The following LRP1B variants were observed in gnomAD, a reference collection of about 807,000 sequenced individuals.
The protein encoded by LRP1B is low-density lipoprotein receptor-related protein 1B.
Under a neutral mutation model 556.6 loss-of-function variants are expected in LRP1B, and 217 were observed. The ratio of observed to expected loss-of-function variants is 0.39; its 90% CI spans 0.35 to 0.44. The LOEUF (loss-of-function observed/expected upper bound fraction) is 0.44, where lower values mean the gene tolerates loss of function less well. Among genes scored for constraint, LRP1B ranks in the 20% least tolerant of loss-of-function variants. The pLI, the probability that LRP1B is intolerant of heterozygous loss-of-function variation, is 1.00. For missense variants in LRP1B, 5,053 were observed against 5,620.8 expected (o/e 0.90, Z 3.23); for synonymous variants, 2,047 against 1,865.8 (o/e 1.10, Z -2.50).
At chr2:140,252,973 A>G (rs1681518350) in intron 86 of LRP1B, among the ~76,000 whole-genome samples, 1 of 152,080 alleles carries the variant, frequency 6.6e-6, no homozygotes, top group African/African-American at 2.4e-5. Context: ...GTATTTTTCA[A>G]TAAATACTTT....
chr2:141,092,360 C>A (rs1700190787), intron 7 of LRP1B, among the ~76,000 whole-genome samples: 1 of 152,184 alleles, frequency 6.6e-6, no homozygotes, highest in Non-Finnish European at 1.5e-5. Context: ...GACATCATGA[C>A]AATGAGTTAC....
At chr2:141,198,835 T>C (rs565491693) in intron 6 of LRP1B, among the ~76,000 whole-genome samples, 5 of 152,280 alleles carry the variant, frequency 3.3e-5, no homozygotes, top group Admixed American at 2.6e-4. Flanking sequence ...ATCAAAAGTA[T>C]TCATCCATTC....
intron 1 of LRP1B, among the ~76,000 whole-genome samples, chr2:141,898,047 CCA>C (rs1203731163): frequency 6.6e-6 from 1 of 152,018 alleles, no homozygotes; most frequent in Admixed American, 6.6e-5. Flanking sequence ...CAATGAAAAC[CCA>C]CAGTCTTTAC....
chr2:142,102,992 T>C (rs1433231301), intron 1 of LRP1B, among the ~76,000 whole-genome samples: 1 of 151,904 alleles, frequency 6.6e-6, no homozygotes, highest in African/African-American at 2.4e-5. Context: ...TTCTTAATCA[T>C]GAAGAAAGGA....
chr2:141,572,193 CACCT>C (rs1686553443), intron 2 of LRP1B, among the ~76,000 whole-genome samples: 1 of 152,078 alleles, frequency 6.6e-6, no homozygotes, highest in East Asian at 1.9e-4. Flanking sequence ...AATGTCAGGT[CACCT>C]ACAAAGGGAA....
intron 66 of LRP1B, among the ~76,000 whole-genome samples, chr2:140,421,125 G>A (rs1208079183): frequency 6.6e-6 from 1 of 151,986 alleles, no homozygotes; most frequent in Non-Finnish European, 1.5e-5. Flanking sequence ...GGATGGTGGT[G>A]CGTGTCTGTA....
Position 141,362,477 on chromosome 2 carries a change from G to A in LRP1B, c.344-107836C>T, listed in dbSNP as rs561900725. ...GACAGCGCAGAAGAAAGGAAACTCC[G>A]TGTGAGCAGCGAATGGCTAGACCAG... On this transcript the variant is annotated intron_variant, in intron 3 of 90. Transcript: ENST00000389484. Among the ~76,000 whole-genome samples, 30 of 152,334 alleles carry A rather than the reference G, an allele frequency of 2.0e-4. 1 individual carries two copies. The South Asian group carries it at 3.7e-3, about 19-fold the overall frequency.
At chr2:142,053,962 A>T (rs1704564668) in intron 1 of LRP1B, among the ~76,000 whole-genome samples, 1 of 152,106 alleles carries the variant, frequency 6.6e-6, no homozygotes, top group Non-Finnish European at 1.5e-5. Flanking sequence ...AGGGAAACCC[A>T]AGGAAACAAT....
At chr2:140,916,969 G>A (rs1694599115) in intron 21 of LRP1B, among the ~76,000 whole-genome samples, 1 of 152,134 alleles carries the variant, frequency 6.6e-6, no homozygotes, top group African/African-American at 2.4e-5. Context: ...TTCCAAATCT[G>A]CAAGGCATTC....
intron 86 of LRP1B, among the ~76,000 whole-genome samples, chr2:140,248,527 C>A (rs181481485): frequency 6.6e-6 from 1 of 151,304 alleles, no homozygotes; most frequent in Non-Finnish European, 1.5e-5. Flanking sequence ...TATTATAAAC[C>A]ATAATACAAG....
At chr2:140,674,709 A>G (rs1559047677) in intron 41 of LRP1B, among the ~76,000 whole-genome samples, 1 of 152,046 alleles carries the variant, frequency 6.6e-6, no homozygotes. Flanking sequence ...TGTTCTCAGG[A>G]CCTCCTGAGA....
chr2:140,890,714 T>G (rs1430860896), intron 23 of LRP1B, among the ~76,000 whole-genome samples: 2 of 152,064 alleles, frequency 1.3e-5, no homozygotes, highest in African/African-American at 4.8e-5. Flanking sequence ...TAGATTATTA[T>G]TTCCCCTCTG....
chr2:141,341,417 T>C (rs1688051090), intron 3 of LRP1B, among the ~76,000 whole-genome samples: 1 of 152,148 alleles, frequency 6.6e-6, no homozygotes, highest in Admixed American at 6.5e-5. Context: ...TCCTCCTCAT[T>C]AAAGAAATAG....
chr2:140,881,427 A>G lies in LRP1B; in HGVS notation c.4169+2390T>C, dbSNP rs555481048. Among the ~76,000 whole-genome samples, 28 of 152,218 alleles carry G rather than the reference A, an allele frequency of 1.8e-4. No homozygotes were observed. The South Asian group carries it at 5.6e-3, about 30-fold the overall frequency. ...TACATTATTAAATCTAAAAATGTAT[A>G]TTTTAAAATGTGCTTTATGATGTTT... On this transcript the variant is annotated intron_variant, in intron 25 of 90. Transcript: ENST00000389484.
chr2:140,547,765 T>G (rs1680397441), intron 43 of LRP1B, among the ~76,000 whole-genome samples: 1 of 152,088 alleles, frequency 6.6e-6, no homozygotes, highest in Non-Finnish European at 1.5e-5. Flanking sequence ...CAAGAGAGCT[T>G]GGTAATCAGT....
rs557390835 is a variant in LRP1B at position 141,363,031 on chromosome 2, A to T, written c.344-108390T>A. Among the ~76,000 whole-genome samples the T allele has an allele frequency of 2.3e-4, 35 of 152,306 alleles. No individual in the cohort carries two copies. The South Asian group carries it at 7.2e-3, about 32-fold the overall frequency. On this transcript the variant is annotated intron_variant, in intron 3 of 90. Coordinates refer to ENST00000389484, the MANE Select transcript of LRP1B (RefSeq NM_018557.3). The stretch of plus-strand genomic sequence containing the variant: ...TATCTTTATTTTTTATTGCCCAATC[A>T]TAAAAAGTTCAAATTATGTAGAGTG...
chr2:141,147,513 A>AT (rs199901829), intron 7 of LRP1B, among the ~76,000 whole-genome samples: 1,534 of 152,160 alleles, frequency 0.01, 26 homozygotes, highest in African/African-American at 0.034. Flanking sequence ...AACAGAGAGC[A>AT]TTTTTTTTAA....
intron 55 of LRP1B, among the ~76,000 whole-genome samples, chr2:140,499,017 G>T (rs898269597): frequency 8.6e-5 from 13 of 151,984 alleles, no homozygotes; most frequent in African/African-American, 3.1e-4. Flanking sequence ...CACACCTTGT[G>T]AAGGATTAAA....
intron 23 of LRP1B, chr2:140,899,077 T>G (rs1046790182): frequency 7.7e-6 from 2 of 258,644 alleles, no homozygotes; most frequent in African/African-American, 4.5e-5. Flanking sequence ...CTTCAATAAG[T>G]ACATGGAGAG....
Sources: gnomAD v4.1 joint callset for allele counts (sites outside exome capture counted in the v4.1 genomes callset) on GRCh38, gnomAD v4.1.1 for gene constraint, MANE v1.5 for transcripts, NCBI Gene and HGNC (gene_info 2026-07-23, HGNC 2026-07-21) for gene names.